ZFHX3: variants seen among roughly 807,000 people sequenced by gnomAD.
ZFHX3 encodes the protein zinc finger homeobox protein 3.
A neutral mutation model predicts 279.1 loss-of-function variants in ZFHX3; 42 were observed. The ratio of observed to expected loss-of-function variants is 0.15; its 90% CI spans 0.12 to 0.19. ZFHX3 has a LOEUF of 0.19. Among genes scored for constraint, ZFHX3 ranks in the 10% least tolerant of loss-of-function variants. The pLI is 1.00. For missense variants in ZFHX3, 4,981 were observed against 4,754.0 expected (o/e 1.05, Z -1.40); for synonymous variants, 2,293 against 1,957.8 (o/e 1.17, Z -4.52).
intron 2 of ZFHX3, among the ~76,000 whole-genome samples, chr16:73,619,814 G>A (rs1376537139): frequency 1.3e-5 from 2 of 152,036 alleles, no homozygotes; most frequent in Non-Finnish European, 2.9e-5. Context: ...TGGTTTTCCT[G>A]AATATGCACA....
At chr16:73,812,862 T>A (rs1364238105) in intron 1 of ZFHX3, among the ~76,000 whole-genome samples, 1 of 152,202 alleles carries the variant, frequency 6.6e-6, no homozygotes, top group Non-Finnish European at 1.5e-5. Flanking sequence ...ACTCCCAATA[T>A]GGGAGCAGCC....
At chr16:73,299,168 A>G (rs1381911665) in intron 4 of ZFHX3, among the ~76,000 whole-genome samples, 1 of 152,236 alleles carries the variant, frequency 6.6e-6, no homozygotes, top group Non-Finnish European at 1.5e-5. Flanking sequence ...TAGTCCTTAG[A>G]CAATCTAGTA....
intron 2 of ZFHX3, among the ~76,000 whole-genome samples, chr16:73,636,700 T>C (rs1440778337): frequency 1.3e-5 from 2 of 152,210 alleles, no homozygotes; most frequent in African/African-American, 2.4e-5. Context: ...GTATTAAATG[T>C]GTTTCACCTA....
At chr16:73,616,951 T>C (rs868508821) in intron 2 of ZFHX3, among the ~76,000 whole-genome samples, 2 of 152,304 alleles carry the variant, frequency 1.3e-5, no homozygotes, top group Middle Eastern at 3.4e-3. Flanking sequence ...CTGTCACTTC[T>C]CTATAACGGA....
At chr16:73,139,048 T>A (rs563185821) in intron 6 of ZFHX3, among the ~76,000 whole-genome samples, 91 of 152,302 alleles carry the variant, frequency 6.0e-4, no homozygotes, top group African/African-American at 1.8e-3. Context: ...AACATTTGGT[T>A]GAAGGGGACA....
chr16:73,332,675 T>G (rs1359729913), intron 3 of ZFHX3, among the ~76,000 whole-genome samples: 3 of 152,198 alleles, frequency 2.0e-5, no homozygotes, highest in Non-Finnish European at 4.4e-5. Context: ...CAGCAAAAAC[T>G]TATGTGGACC....
chr16:73,541,786 CTTTTTTTTTTTTTTTTTT>C (rs546761843), intron 2 of ZFHX3, among the ~76,000 whole-genome samples: 2 of 88,142 alleles, frequency 2.3e-5, no homozygotes, highest in African/African-American at 8.2e-5. Context: ...TGGTGGTTCT[CTTTTTTTTTTTTTTTTTT>C]TTTTTTTTTT....
intron 2 of ZFHX3, among the ~76,000 whole-genome samples, chr16:73,651,214 G>A (rs1017544798): frequency 6.9e-6 from 1 of 145,824 alleles, no homozygotes; most frequent in Non-Finnish European, 1.5e-5. Context: ...TTAGTCAGAT[G>A]AAATTATCCA....
In ZFHX3 at chr16:72,904,367, AAAATAAATAAAT is replaced by A. The variant is rs200166214; in HGVS notation, c.3217-14417_3217-14406del. 9.4e-3 allele frequency among the ~76,000 whole-genome samples: 1,321 copies of A among 140,054 alleles called. 14 individuals carry two copies. The highest frequency in any genetic ancestry group is 0.044 in the Middle Eastern group (12 of 272). The allele number at this position is 140,054 out of a possible 152,430, so 91.9% of individuals were successfully genotyped here. A position where few individuals can be genotyped will look rare whatever the true frequency, so the allele number is the denominator to read the frequency against. On this transcript the variant is annotated intron_variant, in intron 3 of 9. Coordinates refer to ENST00000268489, the MANE Select transcript of ZFHX3 (RefSeq NM_006885.4). ...TGGCAACAGAGTGAGATTCTGTCTC[AAAATAAATAAAT>A]AAATAAATAAATAAATAAATAAATA...
chr16:73,807,861 C>T (rs371167077), intron 1 of ZFHX3, among the ~76,000 whole-genome samples: 9 of 152,068 alleles, frequency 5.9e-5, no homozygotes, highest in South Asian at 4.2e-4. Context: ...ACATTTTGGA[C>T]GGGCATCGTA....
chr16:72,910,726 A>C (rs1032290248), intron 3 of ZFHX3, among the ~76,000 whole-genome samples: 6 of 152,184 alleles, frequency 3.9e-5, no homozygotes, highest in Non-Finnish European at 8.8e-5. Flanking sequence ...AAAATGCTTA[A>C]TTAATGGTGA....
chr16:73,875,784 T>G (rs1308118044), intron 1 of ZFHX3, among the ~76,000 whole-genome samples: 1 of 152,208 alleles, frequency 6.6e-6, no homozygotes, highest in African/African-American at 2.4e-5. Flanking sequence ...CAGATACATA[T>G]GTATGCAGTT....
chr16:73,721,182 C>T (rs555191479), intron 1 of ZFHX3, among the ~76,000 whole-genome samples: 2 of 152,030 alleles, frequency 1.3e-5, no homozygotes, highest in Non-Finnish European at 2.9e-5. Context: ...CATGCAGTGG[C>T]GGGATCTCGG....
intron 3 of ZFHX3, among the ~76,000 whole-genome samples, chr16:73,423,763 G>A (rs2017760506): frequency 6.6e-6 from 1 of 152,056 alleles, no homozygotes; most frequent in Admixed American, 6.5e-5. Context: ...TCAGTGGGCT[G>A]AGGCAGGAGA....
intron 1 of ZFHX3, among the ~76,000 whole-genome samples, chr16:73,040,457 C>G (rs1281785914): frequency 6.6e-6 from 1 of 151,778 alleles, no homozygotes; most frequent in Non-Finnish European, 1.5e-5. Flanking sequence ...GGCCTATTAG[C>G]ATACACAAGC....
At chr16:73,775,591 A>G (rs548081742) in intron 1 of ZFHX3, among the ~76,000 whole-genome samples, 1 of 152,220 alleles carries the variant, frequency 6.6e-6, no homozygotes, top group Admixed American at 6.5e-5. Context: ...AGTGGAGGGG[A>G]AAAATAGGGA....
chr16:73,143,245 C>T (rs770992677), intron 6 of ZFHX3, among the ~76,000 whole-genome samples: 2 of 151,854 alleles, frequency 1.3e-5, no homozygotes, highest in Non-Finnish European at 2.9e-5. Flanking sequence ...GAAAGCATGA[C>T]GTTAGAAAAT....
chr16:72,849,095 C>A (rs2037548918), intron 4 of ZFHX3, among the ~76,000 whole-genome samples: 1 of 152,140 alleles, frequency 6.6e-6, no homozygotes, highest in Non-Finnish European at 1.5e-5. Context: ...AATTACTTTA[C>A]CACTCACTCA....
At chr16:73,108,333 T>TA (rs146021477) in intron 7 of ZFHX3, among the ~76,000 whole-genome samples, 12 of 147,390 alleles carry the variant, frequency 8.1e-5, no homozygotes, top group South Asian at 2.2e-4. Flanking sequence ...GACCTTACCT[T>TA]AAAAAAAAAA....
Sources: allele counts gnomAD v4.1 joint callset (sites outside exome capture counted in the v4.1 genomes callset), GRCh38; gene constraint gnomAD v4.1.1; transcripts MANE v1.5; gene names NCBI Gene and HGNC (gene_info 2026-07-23, HGNC 2026-07-21).